The following SAMD13 variants were observed in gnomAD, a reference collection of about 807,000 sequenced individuals.
SAMD13 encodes sterile alpha motif domain containing 13.
A neutral mutation model predicts 12.4 loss-of-function variants in SAMD13; 9 were observed. That is an observed-to-expected ratio of 0.72 (90% CI 0.44 to 1.26). SAMD13 has a LOEUF of 1.26. SAMD13 is among the 50% of genes most tolerant of loss of function. SAMD13 has a pLI of 0.00. For missense variants in SAMD13, 84 were observed against 119.6 expected (o/e 0.70, Z 1.39); for synonymous variants, 46 against 45.4 (o/e 1.01, Z -0.05).
chr1:84,320,102 T>C (rs1678909110), intron 2 of SAMD13, among the ~76,000 whole-genome samples: 1 of 152,226 alleles, frequency 6.6e-6, no homozygotes, highest in South Asian at 2.1e-4. Flanking sequence ...CATTAGACTA[T>C]GAGTTTCCAA....
rs556973230 is a variant in SAMD13, at chr1:84,335,306, C to CT, written c.165+9566dup. ...CTTTACCATTGTGTAATGCACTTGTCTTTTTTTTAAAATCGTTGTTGGTTT... is the reference window on the plus strand; with the variant it reads ...CTTTACCATTGTGTAATGCACTTGTCTTTTTTTTTAAAATCGTTGTTGGTTT... On this transcript the variant is annotated intron_variant, in intron 3 of 3. Coordinates refer to ENST00000394834, the MANE Select transcript of SAMD13 (RefSeq NM_001134663.2). 6.5e-3 allele frequency among the ~76,000 whole-genome samples: 988 copies of CT among 152,020 alleles called. 18 individuals are homozygous for CT. Among genetic ancestry groups the CT allele is most frequent in the African/African-American group, 0.022 (930 of 41,500 alleles).
intron 3 of SAMD13, among the ~76,000 whole-genome samples, chr1:84,326,898 C>G (rs1485260450): frequency 6.6e-6 from 1 of 151,940 alleles, no homozygotes; most frequent in Non-Finnish European, 1.5e-5. Flanking sequence ...TATTTTTTTC[C>G]TAATTTGGAA....
chr1:84,317,034 T>A (rs143312135), intron 2 of SAMD13, among the ~76,000 whole-genome samples: 22 of 152,282 alleles, frequency 1.4e-4, no homozygotes, highest in African/African-American at 5.3e-4. Context: ...TGCAACTGAT[T>A]TTTCTATGTT....
At chr1:84,347,010 G>A (rs1679548374) in intron 3 of SAMD13, among the ~76,000 whole-genome samples, 1 of 152,198 alleles carries the variant, frequency 6.6e-6, no homozygotes, top group Non-Finnish European at 1.5e-5. Context: ...CAGGCACTGT[G>A]TGCGGTGCTT....
Position 84,309,444 on chromosome 1 carries a change from T to C in SAMD13, c.53+6157T>C, listed in dbSNP as rs75452912. ...ACTGTGATAAATGCTACCTTGAGAA[T>C]TTTAAACAAATGTCATGCTGGACTC... On this transcript the variant is annotated intron_variant, in intron 2 of 3. Coordinates refer to ENST00000394834, the MANE Select transcript of SAMD13 (RefSeq NM_001134663.2). 3.9e-5 allele frequency among the ~76,000 whole-genome samples: 6 copies of C among 152,324 alleles called. No individual in the cohort carries two copies. The East Asian group carries it at 1.2e-3, about 29-fold the overall frequency.
chr1:84,330,576 T>C (rs1244687643), intron 3 of SAMD13, among the ~76,000 whole-genome samples: 1 of 152,206 alleles, frequency 6.6e-6, no homozygotes, highest in Non-Finnish European at 1.5e-5. Context: ...GCATTCTCTG[T>C]TGTAAAGCCA....
At chr1:84,323,125 A>G (rs1678980969) in intron 2 of SAMD13, among the ~76,000 whole-genome samples, 2 of 152,156 alleles carry the variant, frequency 1.3e-5, no homozygotes, top group South Asian at 4.1e-4. Flanking sequence ...CACTACCAGA[A>G]GTGAGCTAAT....
chr1:84,299,257 A>G (rs1322022463), upstream of SAMD13, among the ~76,000 whole-genome samples: 1 of 152,112 alleles, frequency 6.6e-6, no homozygotes, highest in Non-Finnish European at 1.5e-5. Context: ...ATGCTGATCT[A>G]GAAAAGAAGC....
intron 3 of SAMD13, among the ~76,000 whole-genome samples, chr1:84,348,827 A>C (rs1258671207): frequency 1.3e-5 from 2 of 152,056 alleles, no homozygotes; most frequent in Non-Finnish European, 2.9e-5. Context: ...GCAGGGCCCT[A>C]CCCCTCACTA....
chr1:84,335,328 G>A (rs1679270360), intron 3 of SAMD13, among the ~76,000 whole-genome samples: 1 of 151,966 alleles, frequency 6.6e-6, no homozygotes, highest in Non-Finnish European at 1.5e-5. Context: ...ATCGTTGTTG[G>A]TTTAAAGTCT....
chr1:84,314,687 A>G (rs561797602), intron 2 of SAMD13, among the ~76,000 whole-genome samples: 1 of 152,100 alleles, frequency 6.6e-6, no homozygotes, highest in East Asian at 1.9e-4. Flanking sequence ...AAGGGGTGGG[A>G]GGGGGCGTGG....
At chr1:84,323,220 G>A (rs930452502) in intron 2 of SAMD13, among the ~76,000 whole-genome samples, 5 of 152,124 alleles carry the variant, frequency 3.3e-5, no homozygotes, top group Non-Finnish European at 7.4e-5. Flanking sequence ...GAAGGAAAAT[G>A]GTAGCTTGAA....
chr1:84,300,237 C>A (rs1678425293), upstream of SAMD13, among the ~76,000 whole-genome samples: 1 of 152,194 alleles, frequency 6.6e-6, no homozygotes, highest in Admixed American at 6.5e-5. Context: ...ACATGCCTGA[C>A]CCATGCTCAA....
In SAMD13 at chr1:84,331,068, G is replaced by C. The variant is rs555388154; in HGVS notation, c.165+5320G>C. On this transcript the variant is annotated intron_variant, in intron 3 of 3. Transcript: ENST00000394834. The stretch of plus-strand genomic sequence containing the variant: ...TTACAGATGACTTATTGCTAACTTT[G>C]GATAAGTTTCTGAAGTCACTGGCTT... Among the ~76,000 whole-genome samples, 29 of 151,976 alleles carry C rather than the reference G, an allele frequency of 1.9e-4. No homozygotes were observed. In the East Asian group the frequency reaches 4.6e-3, roughly 24 times the overall value.
intron 2 of SAMD13, among the ~76,000 whole-genome samples, chr1:84,309,606 C>T (rs1274001229): frequency 6.6e-6 from 1 of 152,132 alleles, no homozygotes; most frequent in African/African-American, 2.4e-5. Context: ...GCATGACAAT[C>T]ACCAAGGCCT....
In SAMD13 at chr1:84,325,725, C is replaced by A. The variant is rs768254863; in HGVS notation, c.142C>A (p.Gln48Lys). 3.7e-6 allele frequency: 6 copies of A among 1,611,602 alleles called. No individual in the cohort carries two copies. The highest frequency in any genetic ancestry group is 4.2e-6 in the Non-Finnish European group (5 of 1,177,900). The change falls in exon 3 of 4, where the codon CAA becomes AAA. Residue 48 changes from glutamine to lysine, a missense_variant. Physicochemically the swap from Gln to Lys is moderately conservative, Grantham distance 53 (BLOSUM62 1). Transcript: ENST00000394834. Reference protein sequence around the residue: ...NYFRTVGFEEQASAFQEQEID... With the variant: ...NYFRTVGFEEKASAFQEQEID... The stretch of plus-strand genomic sequence containing the variant: ...TTTCCGAACCGTGGGATTTGAGGAG[C>A]AAGCTAGTGCTTTTCAGGAACAGGT...
intron 3 of SAMD13, among the ~76,000 whole-genome samples, chr1:84,338,596 C>G (rs533644993): frequency 6.6e-6 from 1 of 152,080 alleles, no homozygotes; most frequent in South Asian, 2.1e-4. Flanking sequence ...TTCCATCATA[C>G]CCAGCTAATT....
At chr1:84,327,763 G>A (rs766433408) in intron 3 of SAMD13, among the ~76,000 whole-genome samples, 4 of 152,136 alleles carry the variant, frequency 2.6e-5, no homozygotes, top group Non-Finnish European at 4.4e-5. Flanking sequence ...CATATATGTG[G>A]TAAAGCAAGT....
At chr1:84,336,072 C>G (rs2101813872) in intron 3 of SAMD13, among the ~76,000 whole-genome samples, 1 of 152,228 alleles carries the variant, frequency 6.6e-6, no homozygotes, top group African/African-American at 2.4e-5. Flanking sequence ...TCTGCATGTC[C>G]TGAATTTCAC....
Sources: allele counts gnomAD v4.1 joint callset (sites outside exome capture counted in the v4.1 genomes callset), GRCh38; gene constraint gnomAD v4.1.1; transcripts MANE v1.5; gene names NCBI Gene and HGNC (gene_info 2026-07-23, HGNC 2026-07-21).